ALK: variants seen among roughly 807,000 people sequenced by gnomAD.
ALK encodes ALK tyrosine kinase receptor.
Under a neutral mutation model 163.1 loss-of-function variants are expected in ALK, and 74 were observed. The ratio of observed to expected loss-of-function variants is 0.45; its 90% CI spans 0.38 to 0.55. The LOEUF (loss-of-function observed/expected upper bound fraction) is 0.55, where lower values mean the gene tolerates loss of function less well. Among genes scored for constraint, ALK ranks in the 20% least tolerant of loss-of-function variants. The pLI, the probability that ALK is intolerant of heterozygous loss-of-function variation, is 0.00. For missense variants in ALK, 2,063 were observed against 2,105.3 expected (o/e 0.98, Z 0.39); for synonymous variants, 960 against 843.2 (o/e 1.14, Z -2.40).
chr2:29,206,743 A>G (rs1214140194), intron 26 of ALK, among the ~76,000 whole-genome samples: 1 of 151,686 alleles, frequency 6.6e-6, no homozygotes, highest in Non-Finnish European at 1.5e-5. Flanking sequence ...GTGTTCTTGC[A>G]GGGTTTAATG....
At chr2:29,651,996 T>C (rs532705158) in intron 3 of ALK, among the ~76,000 whole-genome samples, 1 of 152,262 alleles carries the variant, frequency 6.6e-6, no homozygotes, top group South Asian at 2.1e-4. Flanking sequence ...TTACAGAGTG[T>C]TCTGCTCAGT....
chr2:29,667,984 AG>A (rs1484694955), intron 3 of ALK, among the ~76,000 whole-genome samples: 3 of 151,944 alleles, frequency 2.0e-5, no homozygotes, highest in African/African-American at 7.2e-5. Flanking sequence ...AGTTTATTGA[AG>A]TTTTTTATTT....
At chr2:29,916,683 C>G (rs942640816) in intron 1 of ALK, among the ~76,000 whole-genome samples, 1 of 152,210 alleles carries the variant, frequency 6.6e-6, no homozygotes, top group East Asian at 1.9e-4. Context: ...CATGTATCCA[C>G]TTTCCTGGGT....
chr2:29,407,106 G>A lies in ALK; in HGVS notation c.1155-23247C>T, dbSNP rs545664091. Among the ~76,000 whole-genome samples the A allele has an allele frequency of 2.2e-4, 34 of 152,226 alleles. 1 individual carries two copies. The highest frequency in any genetic ancestry group is 3.9e-4 in the Admixed American group (6 of 15,290). ...CACTTGTGGTTCATCCTCAGTCCTG[G>A]ACCGGTAGACCTGTCCTTCAACTCT... On this transcript the variant is annotated intron_variant, in intron 4 of 28. Transcript: ENST00000389048.
Position 29,197,551 on chromosome 2 carries a change from G to A in ALK, c.4064C>T (p.Pro1355Leu), listed in dbSNP as rs1573084525. 1.2e-6 allele frequency: 2 copies of A among 1,613,564 alleles called. No individual in the cohort carries two copies. Among genetic ancestry groups the A allele is most frequent in the Non-Finnish European group, 1.7e-6 (2 of 1,180,026 alleles). The change falls in exon 27 of 29, where the codon CCT becomes CTT. Residue 1355 changes from proline to leucine, a missense_variant. Around this residue, in one of 5 missense-constraint regions of ALK, gnomAD observed 403 missense variants for 366.2 expected, o/e 1.10. Transcript: ENST00000389048. ...GGRMDPPKNC[P>L]GPVYRIMTQC... is the part of the protein sequence containing the mutation. The stretch of plus-strand genomic sequence containing the variant: ...CCTAAAAGAGTCATACACAGGCCCA[G>A]GGCAGTTCTTGGGTGGGTCCATCCG...
At chr2:29,316,107 G>A (rs1016305433) in intron 8 of ALK, among the ~76,000 whole-genome samples, 20 of 152,250 alleles carry the variant, frequency 1.3e-4, no homozygotes, top group African/African-American at 4.8e-4. Flanking sequence ...CCCGGGAGGA[G>A]GAAATCAACT....
Position 29,222,327 on chromosome 2 carries a change from T to C in ALK, c.3515+17A>G, listed in dbSNP as rs1669824960. 6.2e-7 allele frequency: 1 copy of C among 1,613,292 alleles called. No individual in the cohort carries two copies. The highest frequency in any genetic ancestry group is 8.5e-7 in the Non-Finnish European group (1 of 1,179,590). On this transcript the variant is annotated intron_variant, in intron 22 of 28. Transcript: ENST00000389048. ...GCAGAGGGGAGTTGGGGTGAGGGTG[T>C]CTCTCTGTGGCTTTACCTGATGATC...
At chr2:29,280,825 G>C (rs1665696736) in intron 9 of ALK, among the ~76,000 whole-genome samples, 4 of 151,702 alleles carry the variant, frequency 2.6e-5, no homozygotes, top group Admixed American at 2.6e-4. Context: ...GTATGTGCCA[G>C]GTATACCACT....
In ALK at chr2:29,383,840, T is replaced by C. The variant is rs761244779; in HGVS notation, c.1174A>G (p.Arg392Gly). Residue 392 changes from arginine to glycine, a missense_variant, in exon 5 of 29, where the codon AGA (arginine) becomes GGA (glycine). Physicochemically the swap from Arg to Gly is moderately radical, Grantham distance 125. Around this residue, in one of 5 missense-constraint regions of ALK, gnomAD observed 987 missense variants for 939.5 expected, o/e 1.05. Coordinates refer to ENST00000389048, the MANE Select transcript of ALK (RefSeq NM_004304.5). ...AATGGGTTGTCTGGACGCCCGATTC[T>C]TCCCTGGAGCACTGTCCAACTGGTT... is the stretch of plus-strand genomic sequence containing the variant. ...GKHGWTVLQG[R>G]IGRPDNPFRV... 3.1e-6 allele frequency: 5 copies of C among 1,614,166 alleles called. No individual in the cohort carries two copies. The highest frequency in any genetic ancestry group is 4.5e-5 in the East Asian group (2 of 44,882).
chr2:29,761,348 C>T (rs1396725734), intron 1 of ALK, among the ~76,000 whole-genome samples: 3 of 152,214 alleles, frequency 2.0e-5, no homozygotes, highest in African/African-American at 7.2e-5. Flanking sequence ...GGACATATTC[C>T]TTGACCTTTG....
intron 3 of ALK, among the ~76,000 whole-genome samples, chr2:29,619,177 G>A (rs114361889): frequency 0.03 from 4,573 of 152,256 alleles, 110 homozygotes; most frequent in Non-Finnish European, 0.048. Context: ...GATCACAAGG[G>A]TGATCTGTGA....
chr2:29,735,760 G>A (rs1356386604), intron 1 of ALK, among the ~76,000 whole-genome samples: 2 of 151,910 alleles, frequency 1.3e-5, no homozygotes, highest in Non-Finnish European at 2.9e-5. Flanking sequence ...CCTTTGCTCG[G>A]CATTTCTTTC....
chr2:29,247,436 A>T (rs1048520741), intron 12 of ALK, among the ~76,000 whole-genome samples: 1 of 152,240 alleles, frequency 6.6e-6, no homozygotes, highest in African/African-American at 2.4e-5. Context: ...AGGAAGGGGT[A>T]AGTCCAGGGC....
At chr2:29,506,728 G>A (rs113646733) in intron 4 of ALK, among the ~76,000 whole-genome samples, 22,372 of 149,238 alleles carry the variant, frequency 0.15, 2,305 homozygotes, top group African/African-American at 0.29. Flanking sequence ...CCTGGGTGAC[G>A]GAGCAAGACT....
At chr2:29,531,879 G>C in intron 4 of ALK, 36 bp downstream of exon 4, 1 of 1,608,368 alleles carries the variant, frequency 6.2e-7, no homozygotes, top group Non-Finnish European at 8.5e-7. Flanking sequence ...AAATCACCTG[G>C]TATAAAATCA....
At chr2:29,200,256 G>A (rs1669123259) in intron 26 of ALK, among the ~76,000 whole-genome samples, 1 of 152,088 alleles carries the variant, frequency 6.6e-6, no homozygotes, top group Admixed American at 6.6e-5. Context: ...TGGCAGTAAG[G>A]CCTAAAGAAT....
chr2:29,578,273 G>T (rs114597399), intron 3 of ALK, among the ~76,000 whole-genome samples: 2,159 of 152,274 alleles, frequency 0.014, 56 homozygotes, highest in African/African-American at 0.049. Flanking sequence ...ATAATTGTGA[G>T]GCCTCCCCAG....
At chr2:29,755,716 G>A (rs1680502578) in intron 1 of ALK, among the ~76,000 whole-genome samples, 1 of 152,056 alleles carries the variant, frequency 6.6e-6, no homozygotes, top group African/African-American at 2.4e-5. Flanking sequence ...TTTGTTAGTG[G>A]GGAGATTGAG....
intron 1 of ALK, among the ~76,000 whole-genome samples, chr2:29,811,342 G>T (rs1011072971): frequency 6.6e-6 from 1 of 152,250 alleles, no homozygotes; most frequent in Middle Eastern, 3.4e-3. Flanking sequence ...TCTCTCCCGT[G>T]AATACTTACA....
Sources: gnomAD v4.1 joint callset for allele counts (sites outside exome capture counted in the v4.1 genomes callset) on GRCh38, gnomAD v4.1.1 for gene constraint, gnomAD v4.1.1 regional missense constraint, MANE v1.5 for transcripts, NCBI Gene and HGNC (gene_info 2026-07-23, HGNC 2026-07-21) for gene names.